The following AFAP1 variants were observed in gnomAD, a reference collection of about 807,000 sequenced individuals.
AFAP1 encodes the protein actin filament-associated protein 1.
A neutral mutation model predicts 93.9 loss-of-function variants in AFAP1; 75 were observed. The observed-to-expected ratio is 0.80, with a 90% confidence interval of 0.66 to 0.97. AFAP1 has a LOEUF of 0.97. AFAP1 is among the 50% of genes least tolerant of loss of function. The pLI is 0.00. For synonymous variants in AFAP1, 517 were observed against 430.7 expected, an observed-to-expected ratio of 1.20 and a Z score of -2.48; for missense variants, 1,201 against 1,050.8, an observed-to-expected ratio of 1.14 and a Z score of -1.98.
At chr4:7,782,353 G>A (rs1458640049) in intron 12 of AFAP1, among the ~76,000 whole-genome samples, 1 of 152,214 alleles carries the variant, frequency 6.6e-6, no homozygotes, top group African/African-American at 2.4e-5. Flanking sequence ...CAAGTCCTAT[G>A]GGAACTGTCA....
intron 1 of AFAP1, among the ~76,000 whole-genome samples, chr4:7,883,572 TAAA>T (rs1164022125): frequency 6.6e-6 from 1 of 151,958 alleles, no homozygotes; most frequent in South Asian, 2.1e-4. Context: ...ATCAGAAACT[TAAA>T]AAAAATTATT....
At chr4:7,800,682 C>T (rs201077916) in intron 9 of AFAP1, 29 bp from the exon 10 acceptor site, 14 of 1,613,174 alleles carry the variant, frequency 8.7e-6, no homozygotes, top group Middle Eastern at 1.7e-4. Flanking sequence ...ACAGGTCAGC[C>T]GCCTCGGACA....
At chr4:7,845,128 A>C (rs1229793563) in intron 4 of AFAP1, among the ~76,000 whole-genome samples, 2 of 152,202 alleles carry the variant, frequency 1.3e-5, no homozygotes, top group Non-Finnish European at 2.9e-5. Context: ...AACAATGAAA[A>C]GTTGTCCAGG....
chr4:7,897,706 T>C (rs1023725623), intron 1 of AFAP1, among the ~76,000 whole-genome samples: 6 of 152,160 alleles, frequency 3.9e-5, no homozygotes, highest in African/African-American at 1.4e-4. Context: ...GTATTTTTAG[T>C]AGAGATGGGG....
chr4:7,838,834 TCACACACACACA>T (rs113955695), intron 5 of AFAP1, 131 bp from the exon 6 acceptor site: 3 of 743,956 alleles, frequency 4.0e-6, no homozygotes, highest in African/African-American at 1.8e-5. Context: ...ATGAGCAGGT[TCACACACACACA>T]CACACACACA....
chr4:7,777,000 C>G (rs1179441777), intron 14 of AFAP1: 3 of 152,086 alleles, frequency 2.0e-5, no homozygotes, highest in Non-Finnish European at 4.4e-5. Flanking sequence ...TTAGACGTCA[C>G]CACAGTTAAT....
chr4:7,886,627 C>CA (rs1456157850), intron 1 of AFAP1, among the ~76,000 whole-genome samples: 1 of 152,164 alleles, frequency 6.6e-6, no homozygotes, highest in Non-Finnish European at 1.5e-5. Flanking sequence ...CCTTAAAAGT[C>CA]AGATTAATTA....
intron 8 of AFAP1, among the ~76,000 whole-genome samples, chr4:7,811,427 A>T (rs1211751216): frequency 1.3e-5 from 2 of 152,084 alleles, no homozygotes; most frequent in Admixed American, 6.5e-5. Flanking sequence ...CTTCCTCTGC[A>T]CACGCACACA....
At chr4:7,928,758 A>C (rs1720908540) in intron 1 of AFAP1, among the ~76,000 whole-genome samples, 2 of 152,206 alleles carry the variant, frequency 1.3e-5, no homozygotes, top group African/African-American at 4.8e-5. Flanking sequence ...CATTTCATTC[A>C]CCATATGCCA....
chr4:7,871,373 G>T (rs184719996), intron 2 of AFAP1, among the ~76,000 whole-genome samples: 1 of 152,286 alleles, frequency 6.6e-6, no homozygotes, highest in African/African-American at 2.4e-5. Context: ...TGCCTGTCCT[G>T]GAATTCTGGT....
intron 1 of AFAP1, among the ~76,000 whole-genome samples, chr4:7,897,379 A>G (rs1560225479): frequency 6.6e-6 from 1 of 152,214 alleles, no homozygotes; most frequent in African/African-American, 2.4e-5. Context: ...AACTACAGCT[A>G]CAGCCTCTTG....
Position 7,939,616 on chromosome 4 carries a change from G to T in AFAP1, c.-3+40C>A. ...TTCCACGCCCGGGGCAGAGACCCCC[G>T]CCGGGTCCGGAGACCCTGCCGCCAG... is the stretch of plus-strand genomic sequence containing the variant. On this transcript the variant is annotated intron_variant, in intron 1 of 17. Coordinates refer to ENST00000420658, the MANE Select transcript of AFAP1 (RefSeq NM_001134647.2). The surrounding 1 kb of genome is among the most constrained non-coding windows in gnomAD (Gnocchi z 5.6). The T allele has an allele frequency of 2.4e-6, 1 of 412,514 alleles. No homozygotes were observed. The highest frequency in any genetic ancestry group is 4.8e-6 in the Non-Finnish European group (1 of 208,858). 25.6% of individuals were successfully genotyped at this position (412,514 alleles called of 1,614,324 possible).
At chr4:7,832,741 A>G (rs1281377915) in intron 6 of AFAP1, among the ~76,000 whole-genome samples, 3 of 152,124 alleles carry the variant, frequency 2.0e-5, no homozygotes, top group African/African-American at 7.2e-5. Context: ...AAGGCATCAC[A>G]TTACCTGATT....
chr4:7,933,171 C>G (rs116595371), intron 1 of AFAP1, among the ~76,000 whole-genome samples: 3,886 of 152,212 alleles, frequency 0.026, 162 homozygotes, highest in African/African-American at 0.087. Flanking sequence ...TTCTAACCCC[C>G]GAGACCTGTG....
intron 1 of AFAP1, among the ~76,000 whole-genome samples, chr4:7,918,832 C>T (rs61579833): frequency 1.1e-5 from 1 of 87,838 alleles, no homozygotes; most frequent in Non-Finnish European, 2.1e-5. Context: ...CCAGGTCACC[C>T]GCAAACAGGG....
chr4:7,782,690 T>C lies in AFAP1; in HGVS notation c.1531-1063A>G, dbSNP rs145389925. 8.8e-3 allele frequency among the ~76,000 whole-genome samples: 1,341 copies of C among 152,332 alleles called. 12 individuals carry two copies. Among genetic ancestry groups the C allele is most frequent in the African/African-American group, 0.03 (1,249 of 41,568 alleles). ...AAAGGCAGTATTAATTCCTCTCTTA[T>C]ATTCCTTTTACCCCGTTGATAGTCT... On this transcript the variant is annotated intron_variant, in intron 12 of 17. Transcript: ENST00000420658.
rs755231211 is a variant in AFAP1, at chr4:7,838,708, A to AT, written c.547-6dup. The AT allele has an allele frequency of 6.2e-7, 1 of 1,613,638 alleles. No homozygotes were observed. Among genetic ancestry groups the AT allele is most frequent in the Non-Finnish European group, 8.5e-7 (1 of 1,179,708 alleles). On this transcript the variant is annotated splice_region_variant and splice_polypyrimidine_tract_variant and intron_variant, in intron 5 of 17. Coordinates refer to ENST00000420658, the MANE Select transcript of AFAP1 (RefSeq NM_001134647.2). ...GTCCTTGGAACTTTTATAGCACTGC[A>AT]TTCAACACAACAAATCAACTGATAT... is the stretch of plus-strand genomic sequence containing the variant.
At chr4:7,863,198 C>A (rs949714932) in intron 3 of AFAP1, among the ~76,000 whole-genome samples, 3 of 152,180 alleles carry the variant, frequency 2.0e-5, no homozygotes, top group Non-Finnish European at 4.4e-5. Context: ...TGTGGACTGC[C>A]TGAGCCCAGG....
At chr4:7,784,870 T>A (rs1339229829) in intron 12 of AFAP1, among the ~76,000 whole-genome samples, 1 of 152,274 alleles carries the variant, frequency 6.6e-6, no homozygotes, top group South Asian at 2.1e-4. Flanking sequence ...GAATTTACGA[T>A]GCCAGGGCTG....
Sources: allele counts gnomAD v4.1 joint callset (sites outside exome capture counted in the v4.1 genomes callset), GRCh38; gene constraint gnomAD v4.1.1; non-coding constraint Gnocchi (gnomAD v3.1); transcripts MANE v1.5; gene names NCBI Gene and HGNC (gene_info 2026-07-23, HGNC 2026-07-21).